The following MAGI2 variants were observed in gnomAD, a reference collection of about 807,000 sequenced individuals.
MAGI2 encodes the protein membrane associated guanylate kinase, WW and PDZ domain containing 2, also known as membrane-associated guanylate kinase, WW and PDZ domain-containing protein 2.
Under a neutral mutation model 133.3 loss-of-function variants are expected in MAGI2, and 35 were observed. The observed-to-expected ratio is 0.26, with a 90% CI of 0.20 to 0.35. The LOEUF is 0.35. MAGI2 is among the 10% of genes least tolerant of loss of function. The pLI is 1.00. For missense variants in MAGI2, 1,636 were observed against 1,863.4 expected (o/e 0.88, Z 2.25); for synonymous variants, 729 against 710.6 (o/e 1.03, Z -0.41).
At chr7:79,196,442 C>G (rs1828089803) in intron 1 of MAGI2, among the ~76,000 whole-genome samples, 3 of 151,904 alleles carry the variant, frequency 2.0e-5, no homozygotes, top group African/African-American at 7.3e-5. Context: ...CAAAAACATT[C>G]TACTCTAATC....
chr7:79,369,523 C>T (rs1842930113), intron 1 of MAGI2, among the ~76,000 whole-genome samples: 1 of 152,192 alleles, frequency 6.6e-6, no homozygotes, highest in African/African-American at 2.4e-5. Flanking sequence ...GCAAGAAGCT[C>T]CCATGATGCT....
intron 6 of MAGI2, chr7:78,486,676 C>G: frequency 2.6e-6 from 1 of 386,806 alleles, no homozygotes; most frequent in Non-Finnish European, 5.1e-6. Flanking sequence ...ACAACAATGG[C>G]GACAACGATG....
At chr7:79,329,422 A>G (rs1235787535) in intron 1 of MAGI2, among the ~76,000 whole-genome samples, 1 of 152,268 alleles carries the variant, frequency 6.6e-6, no homozygotes, top group Non-Finnish European at 1.5e-5. Context: ...TTTACAATAG[A>G]GTTATTAAAT....
intron 2 of MAGI2, among the ~76,000 whole-genome samples, chr7:78,785,355 A>G (rs1826728045): frequency 6.6e-6 from 1 of 152,212 alleles, no homozygotes; most frequent in South Asian, 2.1e-4. Flanking sequence ...AACCATTTTT[A>G]TTGGTTTTTA....
intron 2 of MAGI2, among the ~76,000 whole-genome samples, chr7:78,988,290 G>A (rs929044031): frequency 6.6e-6 from 1 of 152,070 alleles, no homozygotes; most frequent in Non-Finnish European, 1.5e-5. Context: ...GGTCTACATT[G>A]AGGTCTATCA....
chr7:78,611,290 T>A (rs190527834), intron 3 of MAGI2, among the ~76,000 whole-genome samples: 7 of 152,332 alleles, frequency 4.6e-5, no homozygotes, highest in African/African-American at 1.7e-4. Flanking sequence ...TAATCTATCT[T>A]TCTTCTTTTT....
At chr7:78,931,367 C>T (rs554137650) in intron 2 of MAGI2, among the ~76,000 whole-genome samples, 92 of 152,164 alleles carry the variant, frequency 6.0e-4, no homozygotes, top group South Asian at 2.1e-3. Flanking sequence ...ACTGAAATCA[C>T]GGTTCCTTGC....
chr7:79,312,377 T>A (rs1398091844), intron 1 of MAGI2, among the ~76,000 whole-genome samples: 1 of 152,134 alleles, frequency 6.6e-6, no homozygotes, highest in Admixed American at 6.6e-5. Context: ...AACTCCCCAA[T>A]CATGATCTTT....
chr7:79,065,233 A>G lies in MAGI2; in HGVS notation c.302-58027T>C, dbSNP rs1274113599. 2.6e-5 allele frequency among the ~76,000 whole-genome samples: 4 copies of G among 152,242 alleles called. No homozygotes were observed. The East Asian group carries it at 5.8e-4, about 22-fold the overall frequency. Reference sequence around the variant, plus strand: ...ATTATACAGTTGTTTTATGATCTCTACAGGTTAAAGTAGCCACTAGTTGGT... The same window carrying G: ...ATTATACAGTTGTTTTATGATCTCTGCAGGTTAAAGTAGCCACTAGTTGGT... On this transcript the variant is annotated intron_variant, in intron 1 of 21. Transcript: ENST00000354212.
At chr7:78,622,023 C>T (rs1440339634) in intron 3 of MAGI2, among the ~76,000 whole-genome samples, 1 of 151,978 alleles carries the variant, frequency 6.6e-6, no homozygotes, top group East Asian at 1.9e-4. Flanking sequence ...TTAAACTAGA[C>T]ATTTTATAAA....
chr7:78,970,138 ATTTT>A (rs1803665816), intron 2 of MAGI2, among the ~76,000 whole-genome samples: 1 of 152,070 alleles, frequency 6.6e-6, no homozygotes, highest in African/African-American at 2.4e-5. Flanking sequence ...GCATTATACA[ATTTT>A]TAAATAGCTT....
intron 20 of MAGI2, among the ~76,000 whole-genome samples, chr7:78,123,396 A>C (rs895753861): frequency 6.6e-6 from 1 of 152,186 alleles, no homozygotes; most frequent in African/African-American, 2.4e-5. Flanking sequence ...ATATATATCT[A>C]TGATAAAGTT....
chr7:78,923,179 C>A (rs1324064945), intron 2 of MAGI2, among the ~76,000 whole-genome samples: 6 of 152,126 alleles, frequency 3.9e-5, no homozygotes, highest in Admixed American at 6.5e-5. Context: ...TTTTGCTGTG[C>A]AGAAGCTCTT....
At chr7:78,143,792 G>A (rs2150563766) in intron 16 of MAGI2, among the ~76,000 whole-genome samples, 1 of 152,154 alleles carries the variant, frequency 6.6e-6, no homozygotes, top group South Asian at 2.1e-4. Flanking sequence ...TCCTTAATCT[G>A]AATAATTTAT....
chr7:78,065,794 A>G (rs1353287544), intron 21 of MAGI2: 1 of 453,124 alleles, frequency 2.2e-6, no homozygotes, highest in African/African-American at 2.0e-5. Flanking sequence ...TTATCTAGGC[A>G]GTAAGAATAA....
At chr7:79,006,850 A>G in intron 2 of MAGI2, 1 of 391,148 alleles carries the variant, frequency 2.6e-6, no homozygotes, top group Non-Finnish European at 4.5e-6. Flanking sequence ...AACTTCAGAA[A>G]TGTAAGTTAG....
chr7:78,297,032 C>T (rs1797320875), intron 9 of MAGI2, among the ~76,000 whole-genome samples: 1 of 152,160 alleles, frequency 6.6e-6, no homozygotes, highest in Admixed American at 6.6e-5. Context: ...GTTTTCTCAA[C>T]CATTAAAAAG....
chr7:79,425,577 T>TA (rs1267769390), intron 1 of MAGI2, among the ~76,000 whole-genome samples: 13 of 20,806 alleles, frequency 6.2e-4, no homozygotes, highest in South Asian at 2.2e-3. Context: ...AAATAAGGGT[T>TA]TTATATATAT....
intron 10 of MAGI2, among the ~76,000 whole-genome samples, chr7:78,203,620 C>T (rs1395646705): frequency 6.6e-6 from 1 of 152,144 alleles, no homozygotes; most frequent in Non-Finnish European, 1.5e-5. Context: ...AAGCTTCAGT[C>T]TTTGAAGCAA....
Sources: gnomAD v4.1 joint callset for allele counts (sites outside exome capture counted in the v4.1 genomes callset) on GRCh38, gnomAD v4.1.1 for gene constraint, MANE v1.5 for transcripts, NCBI Gene and HGNC (gene_info 2026-07-23, HGNC 2026-07-21) for gene names.